Variants in RABL6 observed in about 807,000 individuals in gnomAD.
The protein encoded by RABL6 is RAB, member RAS oncogene family like 6.
In RABL6, 28 loss-of-function variants were observed where a neutral mutation model predicts 72.9. The ratio of observed to expected loss-of-function variants is 0.38; its 90% CI spans 0.28 to 0.53. The LOEUF (loss-of-function observed/expected upper bound fraction) is 0.53, where lower values mean the gene tolerates loss of function less well. RABL6 is among the 20% of genes least tolerant of loss of function. RABL6 has a pLI of 0.80. For synonymous variants in RABL6, 477 were observed against 421.2 expected (o/e 1.13, Z -1.62); for missense variants, 1,029 against 1,008.4 (o/e 1.02, Z -0.28).
chr9:136,830,786 C>T (rs948341244), intron 5 of RABL6, among the ~76,000 whole-genome samples: 22 of 152,370 alleles, frequency 1.4e-4, no homozygotes, highest in Non-Finnish European at 1.8e-4. Context: ...GCGGCAAAGG[C>T]GCTTACCTGT....
chr9:136,834,516 C>T (rs1321223717), intron 7 of RABL6: 1 of 937,610 alleles, frequency 1.1e-6, no homozygotes, highest in Middle Eastern at 5.5e-4. Context: ...GAGTCTCACT[C>T]TGTCCAGGCT....
intron 8 of RABL6, 104 bp from the exon 9 acceptor site, chr9:136,837,242 G>T (rs1277378292): frequency 7.6e-7 from 1 of 1,310,318 alleles, no homozygotes; most frequent in African/African-American, 1.5e-5. Context: ...AGAACACAGT[G>T]GCTCTTCCCA....
chr9:136,813,004 CT>C, intron 1 of RABL6: 5 of 360,772 alleles, frequency 1.4e-5, no homozygotes, highest in Non-Finnish European at 1.6e-5. Context: ...CTCCTTGGCG[CT>C]TTTGGCATCC....
intron 1 of RABL6, among the ~76,000 whole-genome samples, chr9:136,811,955 T>C (rs959357304): frequency 6.6e-6 from 1 of 152,252 alleles, no homozygotes; most frequent in Non-Finnish European, 1.5e-5. Context: ...GGCCCTGGCC[T>C]AGAAGAGGAA....
intron 1 of RABL6, chr9:136,813,123 G>A (rs1848048838): frequency 1.2e-5 from 5 of 424,336 alleles, no homozygotes; most frequent in Non-Finnish European, 1.8e-5. Flanking sequence ...CCTCTTCAGT[G>A]GTGTCCTCAG....
In RABL6 at chr9:136,807,980, C is replaced by T. The variant is rs1372090022; in HGVS notation, c.-217C>T. 2.6e-5 allele frequency: 26 copies of T among 1,005,946 alleles called. No homozygotes were observed. Among genetic ancestry groups the T allele is most frequent in the Admixed American group, 6.0e-5 (1 of 16,784 alleles). The allele number at this position is 1,005,946 out of a possible 1,614,324, so 62.3% of individuals were successfully genotyped here. The stretch of plus-strand genomic sequence containing the variant: ...GGCGCTGACTCCTGGAGAGCGGTCG[C>T]GCCGGAGGCCGCGGGGGCCGGAGCG... On this transcript the variant is annotated 5_prime_UTR_variant, in exon 1 of 15. Coordinates refer to ENST00000311502, the MANE Select transcript of RABL6 (RefSeq NM_024718.5).
chr9:136,830,750 C>T (rs924053945), intron 5 of RABL6, among the ~76,000 whole-genome samples: 1 of 152,238 alleles, frequency 6.6e-6, no homozygotes, highest in Non-Finnish European at 1.5e-5. Flanking sequence ...GGAGTGACAG[C>T]GAGACTTGAG....
intron 5 of RABL6, 63 bp downstream of exon 5, chr9:136,829,547 C>G: frequency 2.2e-6 from 3 of 1,394,546 alleles, no homozygotes; most frequent in African/African-American, 1.4e-5. Flanking sequence ...CTTGGGCGCC[C>G]TCTTTGTGCA....
intron 11 of RABL6, 32 bp from the exon 12 acceptor site, chr9:136,839,190 G>A (rs1420815362): frequency 2.5e-6 from 4 of 1,594,810 alleles, no homozygotes; most frequent in Admixed American, 3.5e-5. Flanking sequence ...GCCTCCAGAG[G>A]ACCCTGACTG....
At chr9:136,823,231 C>T (rs934059836) in intron 1 of RABL6, among the ~76,000 whole-genome samples, 3 of 151,538 alleles carry the variant, frequency 2.0e-5, no homozygotes, top group Admixed American at 1.3e-4. Context: ...GGCTCTAGGG[C>T]AGAACCACGT....
intron 3 of RABL6, 132 bp from the exon 4 acceptor site, chr9:136,828,362 C>A: frequency 2.4e-6 from 2 of 847,584 alleles, no homozygotes; most frequent in Non-Finnish European, 3.8e-6. Flanking sequence ...GCCCACGCTG[C>A]AGGCTGTTTG....
At chr9:136,835,264 GACCAGCCTGGGGT>G (rs1296364213) in intron 7 of RABL6, 1 of 153,086 alleles carries the variant, frequency 6.5e-6, no homozygotes, top group East Asian at 1.9e-4. Context: ...CAGCTCATCA[GACCAGCCTGGGGT>G]TCCAGGCCAG....
rs1398000043 is a variant in RABL6, at chr9:136,841,027, G to C, written c.*505G>C. 2.8e-6 allele frequency: 4 copies of C among 1,432,350 alleles called. No individual in the cohort carries two copies. Among genetic ancestry groups the C allele is most frequent in the Non-Finnish European group, 3.7e-6 (4 of 1,091,272 alleles). 88.7% of individuals were successfully genotyped at this position (1,432,350 alleles called of 1,614,324 possible). On this transcript the variant is annotated 3_prime_UTR_variant, in exon 15 of 15. Coordinates refer to ENST00000311502, the MANE Select transcript of RABL6 (RefSeq NM_024718.5). ...CCAGGCCCCACGCTAGAAGGCTGGCGAGACCGAAGGCAGCATGTGAGGCCT... is the reference window on the plus strand; with the variant it reads ...CCAGGCCCCACGCTAGAAGGCTGGCCAGACCGAAGGCAGCATGTGAGGCCT...
Position 136,837,900 on chromosome 9 carries a change from A to T in RABL6, c.1165A>T (p.Ser389Cys), listed in dbSNP as rs1848613706. The change falls in exon 10 of 15, where the codon AGT becomes TGT. Residue 389 changes from serine (S) to cysteine (C), a missense_variant. By Grantham distance (112) the Ser-to-Cys change is moderately radical. Around this residue, in one of 2 missense-constraint regions of RABL6, gnomAD observed 595 missense variants for 472.4 expected, o/e 1.26. Transcript: ENST00000311502. ...PAAEGPATVQSVEDFVPDDRL... is the reference protein window; with the variant it reads ...PAAEGPATVQCVEDFVPDDRL... Reference sequence around the variant, plus strand: ...CGCAGAGGGCCCAGCAACGGTCCAGAGTGTGGAGGACTTTGTTCCTGACGA... The same window carrying T: ...CGCAGAGGGCCCAGCAACGGTCCAGTGTGTGGAGGACTTTGTTCCTGACGA... The T allele has an allele frequency of 3.2e-6, 5 of 1,551,102 alleles. No homozygotes were observed. Among genetic ancestry groups the T allele is most frequent in the Non-Finnish European group, 4.4e-6 (5 of 1,147,884 alleles).
Position 136,839,733 on chromosome 9 carries a change from G to A in RABL6, c.1798G>A (p.Asp600Asn), listed in dbSNP as rs1322436728. Reference protein sequence around the residue: ...PVRDDPSDVTDEDEGPAEPPP... With the variant: ...PVRDDPSDVTNEDEGPAEPPP... ...GCGAGATGACCCCTCCGATGTGACT[G>A]ACGAGGATGAGGGCCCTGCCGAGCC... Residue 600 changes from aspartate to asparagine, a missense_variant, in exon 13 of 15, where the codon GAC (aspartate) becomes AAC (asparagine). Asp to Asn is a conservative substitution (Grantham distance 23). This residue lies in a region of RABL6 where 595 missense variants were observed against 472.4 expected (regional missense o/e 1.26). Transcript: ENST00000311502. 6.2e-7 allele frequency: 1 copy of A among 1,608,176 alleles called. No individual in the cohort carries two copies. Among genetic ancestry groups the A allele is most frequent in the African/African-American group, 1.3e-5 (1 of 74,956 alleles).
At chr9:136,821,745 G>A in intron 1 of RABL6, 1 of 1,146,134 alleles carries the variant, frequency 8.7e-7, no homozygotes, top group Non-Finnish European at 1.1e-6. Flanking sequence ...CCACAGGCCG[G>A]GCCGCCGGGC....
intron 1 of RABL6, among the ~76,000 whole-genome samples, chr9:136,822,758 G>C (rs951627973): frequency 6.6e-6 from 1 of 152,216 alleles, no homozygotes; most frequent in African/African-American, 2.4e-5. Context: ...CGTTGTGCGT[G>C]AGCTGGGATG....
At chr9:136,829,345 T>G (rs1588363296) in intron 4 of RABL6, 48 bp from the exon 5 acceptor site, 2 of 1,434,124 alleles carry the variant, frequency 1.4e-6, no homozygotes, top group Non-Finnish European at 1.9e-6. Flanking sequence ...GCCACACGGG[T>G]GGGGCCCAGC....
At chr9:136,817,523 C>T (rs1311067939) in intron 1 of RABL6, among the ~76,000 whole-genome samples, 3 of 149,764 alleles carry the variant, frequency 2.0e-5, no homozygotes, top group African/African-American at 7.4e-5. Flanking sequence ...GGGAGGCCGA[C>T]GTGGGCTGTG....
Sources: gnomAD v4.1 joint callset for allele counts (sites outside exome capture counted in the v4.1 genomes callset) on GRCh38, gnomAD v4.1.1 for gene constraint, gnomAD v4.1.1 regional missense constraint, MANE v1.5 for transcripts, NCBI Gene and HGNC (gene_info 2026-07-23, HGNC 2026-07-21) for gene names.